Variants in PDE1A observed in about 807,000 individuals in gnomAD.
PDE1A encodes the protein dual specificity calcium/calmodulin-dependent 3',5'-cyclic nucleotide phosphodiesterase 1A.
A neutral mutation model predicts 61.7 loss-of-function variants in PDE1A; 35 were observed. The observed-to-expected ratio is 0.57, with a 90% CI of 0.43 to 0.75. The LOEUF is 0.75. Among genes scored for constraint, PDE1A ranks in the 30% least tolerant of loss-of-function variants. PDE1A has a pLI of 0.00. For synonymous variants in PDE1A, 232 were observed against 213.2 expected, an observed-to-expected ratio of 1.09 and a Z score of -0.77; for missense variants, 597 against 630.6, an observed-to-expected ratio of 0.95 and a Z score of 0.57.
chr2:182,385,997 T>C (rs1176748006), intron 1 of PDE1A, among the ~76,000 whole-genome samples: 2 of 152,208 alleles, frequency 1.3e-5, no homozygotes, highest in African/African-American at 4.8e-5. Flanking sequence ...GTGCCTGTGA[T>C]TGCGGGCGTG....
At chr2:182,561,267 C>T in the PDE1A span, among the ~76,000 whole-genome samples, 1 of 152,016 alleles carries the variant, frequency 6.6e-6, no homozygotes, top group African/African-American at 2.4e-5. Context: ...TTCAGCTTTC[C>T]ACATATGGGT....
chr2:182,618,943 T>C, the PDE1A span, among the ~76,000 whole-genome samples: 3 of 150,990 alleles, frequency 2.0e-5, no homozygotes, highest in South Asian at 6.3e-4. Context: ...CTGGCCAGAA[T>C]AAACGACATA....
intron 13 of PDE1A, among the ~76,000 whole-genome samples, chr2:182,155,340 C>T (rs936974466): frequency 1.3e-5 from 2 of 152,058 alleles, no homozygotes; most frequent in Admixed American, 6.6e-5. Context: ...CTGCTCATCT[C>T]GGCCTCCAGT....
chr2:182,299,604 C>A (rs2041391873), intron 1 of PDE1A, among the ~76,000 whole-genome samples: 1 of 151,458 alleles, frequency 6.6e-6, no homozygotes, highest in South Asian at 2.1e-4. Flanking sequence ...CAGTCAAATA[C>A]TACAAATTTA....
chr2:182,182,540 G>A (rs1684854561), intron 13 of PDE1A, among the ~76,000 whole-genome samples: 1 of 151,932 alleles, frequency 6.6e-6, no homozygotes, highest in South Asian at 2.1e-4. Flanking sequence ...TTTCCATTCT[G>A]TAGCAGAGTA....
At chr2:182,169,965 T>TAC (rs5836829) in intron 13 of PDE1A, among the ~76,000 whole-genome samples, 4,769 of 146,006 alleles carry the variant, frequency 0.033, 101 homozygotes, top group Middle Eastern at 0.052. Flanking sequence ...TTCTCTTTCA[T>TAC]ACACACACAC....
At chr2:182,465,006 G>A (rs1336015879) in intron 2 of PDE1A, among the ~76,000 whole-genome samples, 1 of 152,042 alleles carries the variant, frequency 6.6e-6, no homozygotes, top group Non-Finnish European at 1.5e-5. Flanking sequence ...TTAACTGTAT[G>A]TTAAAATACA....
At chr2:182,403,598 C>CAAAAAAAAAAAAAAAAAAAAAAAAAAAAA in intron 1 of PDE1A, among the ~76,000 whole-genome samples, 1 of 77,646 alleles carries the variant, frequency 1.3e-5, no homozygotes, top group African/African-American at 6.2e-5. Context: ...GACTCCGTCT[C>CAAAAAAAAAAAAAAAAAAAAAAAAAAAAA]AAAAAAAAAA....
chr2:182,663,846 G>A, the PDE1A span, among the ~76,000 whole-genome samples: 4 of 151,502 alleles, frequency 2.6e-5, no homozygotes, highest in South Asian at 2.1e-4. Context: ...AAAGAAAAAC[G>A]GTCTGCAAGA....
At position 182,154,882 on chromosome 2, in the gene PDE1A, G is replaced by A. The variant is rs531675783; in HGVS notation, c.1517-7730C>T. On this transcript the variant is annotated intron_variant, in intron 13 of 13. Coordinates refer to the PDE1A transcript ENST00000409365. ...ATTAATTGAAGGATCTACTTTCAAT[G>A]TGGAATTTTATAACATAATACTACT... Among the ~76,000 whole-genome samples the A allele has an allele frequency of 2.6e-4, 39 of 152,146 alleles. No individual in the cohort carries two copies. The Middle Eastern group carries it at 0.01, about 40-fold the overall frequency.
chr2:182,360,286 T>G (rs1699423481), intron 1 of PDE1A, among the ~76,000 whole-genome samples: 1 of 152,134 alleles, frequency 6.6e-6, no homozygotes, highest in Non-Finnish European at 1.5e-5. Flanking sequence ...TATTAACTTC[T>G]TTATCCCAGA....
chr2:182,219,269 CCTGT>C (rs1688519497), intron 7 of PDE1A, among the ~76,000 whole-genome samples: 1 of 151,990 alleles, frequency 6.6e-6, no homozygotes, highest in Non-Finnish European at 1.5e-5. Flanking sequence ...TTATTTCTCA[CCTGT>C]CTGTATTTTA....
the PDE1A span, among the ~76,000 whole-genome samples, chr2:182,646,834 ACT>A: frequency 6.6e-6 from 1 of 152,128 alleles, no homozygotes; most frequent in South Asian, 2.1e-4. Context: ...ATCATAGGAG[ACT>A]CTTTTGAAAA....
At chr2:182,332,447 A>G (rs954860349) in intron 1 of PDE1A, among the ~76,000 whole-genome samples, 3 of 152,152 alleles carry the variant, frequency 2.0e-5, no homozygotes, top group Non-Finnish European at 4.4e-5. Context: ...GGTTTTGGGA[A>G]TTCTCAGCCT....
intron 2 of PDE1A, among the ~76,000 whole-genome samples, chr2:182,506,262 T>G (rs780617039): frequency 3.3e-5 from 5 of 152,236 alleles, no homozygotes; most frequent in Non-Finnish European, 7.3e-5. Context: ...TTTCTCTTTG[T>G]TCCCTATGCA....
intron 11 of PDE1A, 77 bp from the exon 12 acceptor site, chr2:182,186,665 T>G (rs1189188138): frequency 1.1e-5 from 16 of 1,413,346 alleles, no homozygotes; most frequent in Non-Finnish European, 1.6e-5. Flanking sequence ...TCAGAAATAA[T>G]GAAGAGCTTC....
At chr2:182,222,737 A>C (rs1231152136) in intron 7 of PDE1A, among the ~76,000 whole-genome samples, 3 of 151,840 alleles carry the variant, frequency 2.0e-5, no homozygotes, top group Non-Finnish European at 2.9e-5. Context: ...ATTAATTAGA[A>C]AAAAAAATCA....
At chr2:182,360,531 T>TG (rs1491087681) in intron 1 of PDE1A, among the ~76,000 whole-genome samples, 1 of 68,740 alleles carries the variant, frequency 1.5e-5, no homozygotes, top group African/African-American at 4.8e-5. Context: ...AGTTTAGTGT[T>TG]TTTTTTTTTT....
chr2:182,556,140 G>A, the PDE1A span, among the ~76,000 whole-genome samples: 16 of 152,176 alleles, frequency 1.1e-4, no homozygotes, highest in African/African-American at 3.6e-4. Flanking sequence ...ATGTACATAA[G>A]ATCTGACAAA....
Sources: allele counts gnomAD v4.1 joint callset (sites outside exome capture counted in the v4.1 genomes callset), GRCh38; gene constraint gnomAD v4.1.1; transcripts MANE v1.5; gene names NCBI Gene and HGNC (gene_info 2026-07-23, HGNC 2026-07-21).